The following SH3PXD2A variants were observed in gnomAD, a reference collection of about 807,000 sequenced individuals.
The protein encoded by SH3PXD2A is SH3 and PX domains 2A, also known as SH3 and PX domain-containing protein 2A.
SH3PXD2A carries 32 observed loss-of-function variants against 115.2 expected under a neutral mutation model. That is an observed-to-expected ratio of 0.28 (90% CI 0.21 to 0.37). SH3PXD2A has a LOEUF of 0.37. Ranked by LOEUF, SH3PXD2A falls within the 10% of genes least tolerant of loss-of-function variation. SH3PXD2A has a pLI of 1.00. For synonymous variants in SH3PXD2A, 610 were observed against 629.1 expected, an observed-to-expected ratio of 0.97 and a Z score of 0.45; for missense variants, 1,328 against 1,498.7, an observed-to-expected ratio of 0.89 and a Z score of 1.88.
chr10:103,753,458 T>G (rs142568476), intron 3 of SH3PXD2A, among the ~76,000 whole-genome samples: 1,572 of 137,044 alleles, frequency 0.011, 37 homozygotes, highest in African/African-American at 0.042. Flanking sequence ...ATTGTCCCAC[T>G]GCACTCCAGC....
intron 8 of SH3PXD2A, among the ~76,000 whole-genome samples, chr10:103,646,636 C>T (rs533225204): frequency 2.0e-5 from 3 of 152,168 alleles, no homozygotes; most frequent in East Asian, 1.9e-4. Context: ...TGGGTCAGAG[C>T]GGGCAACTGT....
At position 103,636,411 on chromosome 10, in the gene SH3PXD2A, G is replaced by GAA. The variant is rs555359998; in HGVS notation, c.605-9211_605-9210dup. Among the ~76,000 whole-genome samples, 11 of 91,180 alleles carry GAA rather than the reference G, an allele frequency of 1.2e-4. No homozygotes were observed. The East Asian group carries it at 2.2e-3, about 18-fold the overall frequency. The allele number at this position is 91,180 out of a possible 152,430, so 59.8% of individuals were successfully genotyped here. A position where few individuals can be genotyped will look rare whatever the true frequency, so the allele number is the denominator to read the frequency against. On this transcript the variant is annotated intron_variant, in intron 8 of 14. Transcript: ENST00000369774. The stretch of plus-strand genomic sequence containing the variant: ...GTGACAGAGCGAGACTCCATCTTAA[G>GAA]AAAAAAAAAAAAAAAAGAGTAGAGA...
intron 2 of SH3PXD2A, among the ~76,000 whole-genome samples, chr10:103,771,760 C>CACAG (rs2038823818): frequency 6.6e-6 from 1 of 151,764 alleles, no homozygotes; most frequent in Admixed American, 6.6e-5. Context: ...CACACACACA[C>CACAG]ACACACACAC....
rs528788011 is a variant in SH3PXD2A at position 103,756,199 on chromosome 10, G to A, written c.229+10895C>T. On this transcript the variant is annotated intron_variant, in intron 3 of 14. Transcript: ENST00000369774. The surrounding 1 kb of genome is among the most constrained non-coding windows in gnomAD (Gnocchi z 4.4). ...GAACGATGGATCTGCTGGGTGCCAG[G>A]CAGCCCTGGATGAATGATACATCAG... 1.3e-5 allele frequency among the ~76,000 whole-genome samples: 2 copies of A among 152,218 alleles called. No homozygotes were observed. The highest frequency in any genetic ancestry group is 4.2e-4 in the South Asian group (2 of 4,786).
intron 9 of SH3PXD2A, among the ~76,000 whole-genome samples, chr10:103,625,518 G>T (rs777054974): frequency 1.3e-5 from 2 of 152,238 alleles, no homozygotes; most frequent in East Asian, 3.8e-4. Context: ...GTGGGGGCAA[G>T]GGCATTTCAG....
At chr10:103,749,649 C>T (rs988490762) in intron 3 of SH3PXD2A, 2 of 152,282 alleles carry the variant, frequency 1.3e-5, no homozygotes, top group Non-Finnish European at 2.9e-5. Flanking sequence ...CCCAGTGACT[C>T]TTGCCTCGTG....
chr10:103,684,570 T>C (rs1421205377), intron 6 of SH3PXD2A, among the ~76,000 whole-genome samples: 1 of 151,850 alleles, frequency 6.6e-6, no homozygotes, highest in Non-Finnish European at 1.5e-5. Context: ...ATGTCGGTCT[T>C]GAACTCCTGA....
intron 4 of SH3PXD2A, among the ~76,000 whole-genome samples, chr10:103,732,854 G>A (rs561660170): frequency 1.3e-5 from 2 of 152,182 alleles, no homozygotes; most frequent in Admixed American, 6.5e-5. Context: ...GCCGTGGAGC[G>A]GACTGCACAC....
chr10:103,769,409 G>C (rs1421153545), intron 2 of SH3PXD2A, among the ~76,000 whole-genome samples: 1 of 151,270 alleles, frequency 6.6e-6, no homozygotes, highest in Non-Finnish European at 1.5e-5. Flanking sequence ...TTTAACAAAA[G>C]CTGGCTCATG....
At chr10:103,649,028 GT>G (rs1229113439) in intron 8 of SH3PXD2A, among the ~76,000 whole-genome samples, 3 of 152,202 alleles carry the variant, frequency 2.0e-5, no homozygotes, top group Non-Finnish European at 4.4e-5. Context: ...TTTGTAGCCA[GT>G]GACCCATTTG....
chr10:103,707,137 T>A (rs2037990879), intron 5 of SH3PXD2A, among the ~76,000 whole-genome samples: 1 of 152,088 alleles, frequency 6.6e-6, no homozygotes, highest in African/African-American at 2.4e-5. Context: ...CAGAGTCTTG[T>A]ACCTAGGAAG....
chr10:103,651,086 A>T (rs1398000854), intron 8 of SH3PXD2A, among the ~76,000 whole-genome samples: 2 of 152,206 alleles, frequency 1.3e-5, no homozygotes, highest in Non-Finnish European at 2.9e-5. Context: ...AGAGGGTGGC[A>T]GGTGGCAGGT....
At chr10:103,717,335 G>A (rs2038116653) in intron 5 of SH3PXD2A, among the ~76,000 whole-genome samples, 1 of 152,186 alleles carries the variant, frequency 6.6e-6, no homozygotes, top group Admixed American at 6.5e-5. Context: ...CCTTGGTGGG[G>A]AGAGATCCAT....
intron 4 of SH3PXD2A, among the ~76,000 whole-genome samples, chr10:103,726,909 C>T (rs1463519383): frequency 6.6e-6 from 1 of 152,172 alleles, no homozygotes; most frequent in African/African-American, 2.4e-5. Flanking sequence ...TTTCAGGGGT[C>T]ATGGCTCTCC....
At chr10:103,843,716 T>C (rs1012790511) in intron 1 of SH3PXD2A, among the ~76,000 whole-genome samples, 20 of 152,320 alleles carry the variant, frequency 1.3e-4, no homozygotes, top group Middle Eastern at 3.4e-3. Flanking sequence ...AGGACCTATG[T>C]GACGAGCTCC....
At chr10:103,621,279 C>T (rs766706288) in intron 10 of SH3PXD2A, among the ~76,000 whole-genome samples, 4 of 152,204 alleles carry the variant, frequency 2.6e-5, no homozygotes, top group Non-Finnish European at 4.4e-5. Context: ...GCTTGAGCTG[C>T]GTCCCAGCTT....
intron 8 of SH3PXD2A, among the ~76,000 whole-genome samples, chr10:103,654,974 C>G (rs977446288): frequency 9.2e-5 from 3 of 32,716 alleles, no homozygotes; most frequent in Non-Finnish European, 1.7e-4. Flanking sequence ...GGGCCCAAGA[C>G]TGGGCTAGCA....
At chr10:103,728,133 G>A (rs1312190110) in intron 4 of SH3PXD2A, among the ~76,000 whole-genome samples, 1 of 152,256 alleles carries the variant, frequency 6.6e-6, no homozygotes, top group Non-Finnish European at 1.5e-5. Context: ...CAGGGCCTCA[G>A]AGCCTCAGGA....
chr10:103,644,479 C>T (rs530257076), intron 8 of SH3PXD2A, among the ~76,000 whole-genome samples: 44 of 149,038 alleles, frequency 3.0e-4, no homozygotes, highest in Admixed American at 2.6e-3. Context: ...CCCAGCTACT[C>T]GGGGGCTGAG....
Sources: gnomAD v4.1 joint callset for allele counts (sites outside exome capture counted in the v4.1 genomes callset) on GRCh38, gnomAD v4.1.1 for gene constraint, Gnocchi (gnomAD v3.1) non-coding constraint, MANE v1.5 for transcripts, NCBI Gene and HGNC (gene_info 2026-07-23, HGNC 2026-07-21) for gene names.